The following NTM variants were observed in gnomAD, a reference collection of about 807,000 sequenced individuals.
NTM encodes the protein neurotrimin.
Under a neutral mutation model 42.1 loss-of-function variants are expected in NTM, and 13 were observed. The ratio of observed to expected loss-of-function variants is 0.31; its 90% CI spans 0.20 to 0.49. The LOEUF is 0.49. NTM is among the 20% of genes least tolerant of loss of function. The pLI, the probability that NTM is intolerant of heterozygous loss-of-function variation, is 0.99. For missense variants in NTM, 373 were observed against 452.8 expected (o/e 0.82, Z 1.60); for synonymous variants, 187 against 179.2 (o/e 1.04, Z -0.35).
chr11:131,396,103 A>G (rs1271395429), intron 1 of NTM, among the ~76,000 whole-genome samples: 3 of 152,184 alleles, frequency 2.0e-5, no homozygotes, highest in African/African-American at 7.2e-5. Context: ...GCTCCAGAAA[A>G]GCAGGTAAAA....
At chr11:131,973,500 G>T (rs895299729) in intron 2 of NTM, among the ~76,000 whole-genome samples, 1 of 152,142 alleles carries the variant, frequency 6.6e-6, no homozygotes, top group African/African-American at 2.4e-5. Context: ...GGAGTGCTTT[G>T]TTCTTCTCAT....
intron 1 of NTM, among the ~76,000 whole-genome samples, chr11:131,687,914 C>T (rs1172327274): frequency 6.6e-6 from 1 of 152,314 alleles, no homozygotes; most frequent in Non-Finnish European, 1.5e-5. Flanking sequence ...TGTGTCCTAG[C>T]AAAGCAATCA....
chr11:132,022,745 A>G (rs1298337433), intron 2 of NTM, among the ~76,000 whole-genome samples: 1 of 152,240 alleles, frequency 6.6e-6, no homozygotes, highest in Non-Finnish European at 1.5e-5. Flanking sequence ...AGATACCTGT[A>G]ACTGCATGGA....
chr11:131,401,851 TATATATA>T, intron 1 of NTM, among the ~76,000 whole-genome samples: 9 of 105,878 alleles, frequency 8.5e-5, no homozygotes, highest in African/African-American at 1.4e-4. Flanking sequence ...TATATATATA[TATATATA>T]TATTTTAATT....
chr11:132,062,454 A>C (rs1179868799), intron 2 of NTM, among the ~76,000 whole-genome samples: 2 of 152,012 alleles, frequency 1.3e-5, no homozygotes, highest in Non-Finnish European at 2.9e-5. Flanking sequence ...AGGAACTTTG[A>C]CTAAGCATCA....
intron 1 of NTM, among the ~76,000 whole-genome samples, chr11:131,851,397 GA>G (rs1022943170): frequency 6.6e-6 from 1 of 151,998 alleles, no homozygotes; most frequent in Admixed American, 6.5e-5. Flanking sequence ...CCCGCTAATA[GA>G]AAAAAATATT....
chr11:131,738,667 C>T (rs987233175), intron 1 of NTM, among the ~76,000 whole-genome samples: 1 of 152,194 alleles, frequency 6.6e-6, no homozygotes, highest in African/African-American at 2.4e-5. Flanking sequence ...TATAATTAGA[C>T]ACTATGTTCT....
At chr11:131,704,078 T>C (rs942533222) in intron 1 of NTM, among the ~76,000 whole-genome samples, 1 of 151,726 alleles carries the variant, frequency 6.6e-6, no homozygotes, top group African/African-American at 2.4e-5. Context: ...ACAACCCCCC[T>C]GGTTCCAAGC....
intron 1 of NTM, among the ~76,000 whole-genome samples, chr11:131,464,640 C>A (rs549041984): frequency 7.3e-4 from 111 of 152,318 alleles, no homozygotes; most frequent in African/African-American, 2.6e-3. Flanking sequence ...ACACCTCGAA[C>A]AAGCTCACAA....
intron 1 of NTM, among the ~76,000 whole-genome samples, chr11:131,704,541 T>C (rs931123740): frequency 6.6e-6 from 1 of 152,184 alleles, no homozygotes; most frequent in Admixed American, 6.5e-5. Flanking sequence ...ATTTTTAAAA[T>C]GCAGACACCA....
At chr11:131,428,821 G>A (rs1948402528) in intron 1 of NTM, among the ~76,000 whole-genome samples, 1 of 149,046 alleles carries the variant, frequency 6.7e-6, no homozygotes, top group Non-Finnish European at 1.5e-5. Flanking sequence ...GAACATTTGA[G>A]GTCAGAAGTT....
chr11:131,737,387 A>G (rs1262858516), intron 1 of NTM, among the ~76,000 whole-genome samples: 1 of 152,068 alleles, frequency 6.6e-6, no homozygotes, highest in Non-Finnish European at 1.5e-5. Flanking sequence ...ATCAAGAAGA[A>G]CCTTTGTTCT....
At chr11:131,902,218 A>G (rs2053266287) in intron 1 of NTM, among the ~76,000 whole-genome samples, 1 of 152,274 alleles carries the variant, frequency 6.6e-6, no homozygotes. Context: ...TTAAAAAAGG[A>G]AGTGGATAGT....
chr11:131,556,363 A>G (rs747502601), intron 1 of NTM, among the ~76,000 whole-genome samples: 1 of 152,204 alleles, frequency 6.6e-6, no homozygotes, highest in Non-Finnish European at 1.5e-5. Context: ...TTACATGAAA[A>G]GCAGAGTATT....
chr11:132,212,159 G>C lies in NTM; in HGVS notation c.526+12G>C, dbSNP rs2082951531. 2.5e-6 allele frequency: 4 copies of C among 1,607,210 alleles called. No individual in the cohort carries two copies. In the African/African-American group the frequency reaches 4.0e-5, roughly 16 times the overall value. ...CATCTCTCCCAAAGGTAAGAGAACA[G>C]TTTGTTGCATTGCATCATGAGGATA... On this transcript the variant is annotated intron_variant, in intron 4 of 8. Coordinates refer to ENST00000683400, the MANE Select transcript of NTM (RefSeq NM_001352005.2).
intron 3 of NTM, among the ~76,000 whole-genome samples, chr11:132,182,907 C>A (rs1414547595): frequency 6.6e-6 from 1 of 152,174 alleles, no homozygotes; most frequent in Non-Finnish European, 1.5e-5. Context: ...ACAGGTTTCA[C>A]ATATGCTTTC....
At chr11:131,713,709 C>T (rs1307960743) in intron 1 of NTM, among the ~76,000 whole-genome samples, 3 of 152,122 alleles carry the variant, frequency 2.0e-5, no homozygotes, top group Non-Finnish European at 2.9e-5. Flanking sequence ...GTGTTGTTAG[C>T]GTGGCAAATC....
chr11:132,110,204 C>G (rs934993311), intron 2 of NTM, among the ~76,000 whole-genome samples: 1 of 152,194 alleles, frequency 6.6e-6, no homozygotes, highest in Non-Finnish European at 1.5e-5. Context: ...GTGCTATACC[C>G]CAGTGGCTAG....
chr11:132,014,638 T>A (rs1038492004), intron 2 of NTM, among the ~76,000 whole-genome samples: 6 of 152,036 alleles, frequency 3.9e-5, no homozygotes, highest in Non-Finnish European at 7.4e-5. Flanking sequence ...TGATGAGTGA[T>A]GTTGACCATT....
Sources: gnomAD v4.1 joint callset for allele counts (sites outside exome capture counted in the v4.1 genomes callset) on GRCh38, gnomAD v4.1.1 for gene constraint, MANE v1.5 for transcripts, NCBI Gene and HGNC (gene_info 2026-07-23, HGNC 2026-07-21) for gene names.